The following PEBP4 variants were observed in gnomAD, a reference collection of about 807,000 sequenced individuals.
PEBP4 encodes phosphatidylethanolamine binding protein 4.
Under a neutral mutation model 23.9 loss-of-function variants are expected in PEBP4, and 22 were observed. The ratio of observed to expected loss-of-function variants is 0.92; its 90% CI spans 0.66 to 1.31. PEBP4 has a LOEUF of 1.31. PEBP4 is among the 40% of genes most tolerant of loss of function. The pLI is 0.00. For synonymous variants in PEBP4, 112 were observed against 99.3 expected, an observed-to-expected ratio of 1.13 and a Z score of -0.76; for missense variants, 324 against 281.7, an observed-to-expected ratio of 1.15 and a Z score of -1.07.
At chr8:22,826,113 C>A (rs140924653) in intron 3 of PEBP4, among the ~76,000 whole-genome samples, 7 of 152,132 alleles carry the variant, frequency 4.6e-5, no homozygotes, top group Admixed American at 4.6e-4. Context: ...GCTTGGTGTA[C>A]AATACCGTGT....
intron 4 of PEBP4, among the ~76,000 whole-genome samples, chr8:22,781,125 C>T (rs1805906378): frequency 6.6e-6 from 1 of 152,254 alleles, no homozygotes; most frequent in East Asian, 1.9e-4. Context: ...CTGGACTGAC[C>T]TCAGGTGTCC....
intron 2 of PEBP4, chr8:22,924,895 T>G (rs957640227): frequency 2.0e-6 from 2 of 985,288 alleles, no homozygotes; most frequent in African/African-American, 3.5e-5. Context: ...GTCTCACAGC[T>G]TGTCACAGTA....
At chr8:22,897,299 C>T (rs973053076) in intron 3 of PEBP4, among the ~76,000 whole-genome samples, 2 of 152,028 alleles carry the variant, frequency 1.3e-5, no homozygotes, top group East Asian at 1.9e-4. Context: ...CACACTGCAA[C>T]GGGATGTGAT....
At chr8:22,732,634 TTGTGTGTGTGTGTG>T (rs61376190) in intron 4 of PEBP4, among the ~76,000 whole-genome samples, 3 of 149,122 alleles carry the variant, frequency 2.0e-5, no homozygotes, top group Non-Finnish European at 4.4e-5. Flanking sequence ...CTGGCCCCAT[TTGTGTGTGTGTGTG>T]TGTGTGTGTG....
chr8:22,788,822 T>C (rs1806079800), intron 4 of PEBP4, among the ~76,000 whole-genome samples: 1 of 152,190 alleles, frequency 6.6e-6, no homozygotes, highest in Non-Finnish European at 1.5e-5. Context: ...CAGAGGTGAA[T>C]GAAGAGTTGT....
At chr8:22,735,408 C>A (rs950366225) in intron 4 of PEBP4, among the ~76,000 whole-genome samples, 1 of 152,164 alleles carries the variant, frequency 6.6e-6, no homozygotes, top group African/African-American at 2.4e-5. Flanking sequence ...GTTGAGAAAG[C>A]TGCCTAAGCA....
chr8:22,893,911 G>C (rs1394260610), intron 3 of PEBP4, among the ~76,000 whole-genome samples: 1 of 152,118 alleles, frequency 6.6e-6, no homozygotes, highest in Non-Finnish European at 1.5e-5. Flanking sequence ...GCTGAAAAAT[G>C]TCTTAATTTG....
chr8:22,805,089 C>T (rs1038107336), intron 4 of PEBP4, among the ~76,000 whole-genome samples: 2 of 152,216 alleles, frequency 1.3e-5, no homozygotes, highest in South Asian at 2.1e-4. Context: ...TTTTTCTCCT[C>T]TGCTCCCCTC....
intron 4 of PEBP4, among the ~76,000 whole-genome samples, chr8:22,750,472 G>A (rs979167219): frequency 3.9e-5 from 6 of 152,276 alleles, no homozygotes; most frequent in Admixed American, 2.6e-4. Flanking sequence ...GGCTGGAATT[G>A]GAAAAAATTT....
intron 4 of PEBP4, among the ~76,000 whole-genome samples, chr8:22,793,058 A>G (rs545356554): frequency 7.8e-4 from 119 of 152,330 alleles, no homozygotes; most frequent in African/African-American, 2.8e-3. Flanking sequence ...AAGCCCAAAG[A>G]ATATAAAAAT....
intron 3 of PEBP4, among the ~76,000 whole-genome samples, chr8:22,831,225 G>A (rs1302507249): frequency 4.6e-5 from 7 of 152,174 alleles, no homozygotes; most frequent in Non-Finnish European, 1.0e-4. Flanking sequence ...TCTAGATTAT[G>A]TTCCTTTGTT....
chr8:22,782,576 G>A (rs550345393), intron 4 of PEBP4, among the ~76,000 whole-genome samples: 114 of 152,328 alleles, frequency 7.5e-4, no homozygotes, highest in African/African-American at 2.6e-3. Flanking sequence ...GAAAAAAATC[G>A]CTTAGAATGA....
chr8:22,892,854 C>G (rs1808520260), intron 3 of PEBP4, among the ~76,000 whole-genome samples: 1 of 152,222 alleles, frequency 6.6e-6, no homozygotes, highest in Non-Finnish European at 1.5e-5. Flanking sequence ...CCCCAACTTA[C>G]TGCCTGATAG....
At chr8:22,929,427 C>T (rs953666880), upstream of PEBP4, among the ~76,000 whole-genome samples, 2 of 152,224 alleles carry the variant, frequency 1.3e-5, no homozygotes, top group African/African-American at 4.8e-5. Flanking sequence ...TCCTTTAGCA[C>T]AGTGATGGCG....
chr8:22,853,905 A>T (rs1160216717), intron 3 of PEBP4, among the ~76,000 whole-genome samples: 3 of 152,212 alleles, frequency 2.0e-5, no homozygotes, highest in Non-Finnish European at 2.9e-5. Flanking sequence ...AATTATGCCA[A>T]CTGCTTATTG....
intron 4 of PEBP4, among the ~76,000 whole-genome samples, chr8:22,800,552 C>T (rs1806361395): frequency 6.6e-6 from 1 of 152,160 alleles, no homozygotes; most frequent in Admixed American, 6.5e-5. Flanking sequence ...AATGTCCCCT[C>T]ATTGCTGTGC....
chr8:22,889,448 T>G (rs1045668790), intron 3 of PEBP4, among the ~76,000 whole-genome samples: 1 of 152,150 alleles, frequency 6.6e-6, no homozygotes, highest in Non-Finnish European at 1.5e-5. Context: ...CTTTCTGCTC[T>G]AAGGCTCCGG....
intron 4 of PEBP4, among the ~76,000 whole-genome samples, chr8:22,801,737 C>T (rs1175425599): frequency 6.6e-6 from 1 of 152,182 alleles, no homozygotes; most frequent in Non-Finnish European, 1.5e-5. Flanking sequence ...CATGCACACA[C>T]ATATGCCTCC....
intron 3 of PEBP4, among the ~76,000 whole-genome samples, chr8:22,825,331 G>T (rs1806946038): frequency 6.6e-6 from 1 of 152,192 alleles, no homozygotes; most frequent in Non-Finnish European, 1.5e-5. Context: ...CTTCTGGCCG[G>T]TGAAACTAAT....
Sources: allele counts gnomAD v4.1 joint callset (sites outside exome capture counted in the v4.1 genomes callset), GRCh38; gene constraint gnomAD v4.1.1; transcripts MANE v1.5; gene names NCBI Gene and HGNC (gene_info 2026-07-23, HGNC 2026-07-21).